The following SMIM8 variants were observed in gnomAD, a reference collection of about 807,000 sequenced individuals.
SMIM8 encodes the protein UPF0708 protein C6orf162.
SMIM8 carries 8 observed loss-of-function variants against 8.1 expected under a neutral mutation model. The observed-to-expected ratio is 0.99, with a 90% confidence interval of 0.58 to 1.78. The LOEUF (loss-of-function observed/expected upper bound fraction) is 1.78, where lower values mean the gene tolerates loss of function less well. SMIM8 is among the 40% of genes most tolerant of loss of function. The pLI, the probability that SMIM8 is intolerant of heterozygous loss-of-function variation, is 0.00. For synonymous variants in SMIM8, 45 were observed against 39.7 expected (o/e 1.13, Z -0.50); for missense variants, 126 against 119.8 (o/e 1.05, Z -0.24).
In SMIM8 at chr6:87,324,299, T is replaced by G. The variant is rs141830673; in HGVS notation, c.-45+1667T>G. Among the ~76,000 whole-genome samples, 666 of 152,370 alleles carry G rather than the reference T, an allele frequency of 4.4e-3. 4 individuals are homozygous for G. The highest frequency in any genetic ancestry group is 0.015 in the African/African-American group (643 of 41,578). On this transcript the variant is annotated intron_variant, in intron 1 of 3. Coordinates refer to ENST00000392863, the MANE Select transcript of SMIM8 (RefSeq NM_001042493.3). Reference sequence around the variant, plus strand: ...TTAGATCCTATTTGTCAATTTTGGCTTTGGTTGCTATTGCTTTTGGTGTTT... The same window carrying G: ...TTAGATCCTATTTGTCAATTTTGGCGTTGGTTGCTATTGCTTTTGGTGTTT...
chr6:87,336,463 A>T (rs1467782889), intron 2 of SMIM8, among the ~76,000 whole-genome samples: 1 of 152,224 alleles, frequency 6.6e-6, no homozygotes, highest in Admixed American at 6.5e-5. Context: ...AAGTACAAAC[A>T]GCTCCTTATC....
rs1173802819 is a variant in SMIM8, at chr6:87,322,621, AC to A, written c.-52del. 6.6e-6 allele frequency: 1 copy of A among 152,078 alleles called. No individual in the cohort carries two copies. Among genetic ancestry groups the A allele is most frequent in the Non-Finnish European group, 1.5e-5 (1 of 68,084 alleles). 9.4% of individuals were successfully genotyped at this position (152,078 alleles called of 1,614,324 possible). ...GCGTCTCGGGCGAGGAGAGGAGGTG[AC>A]CCCGCGAAAGGTAAGCGGCGGCTTC... On this transcript the variant is annotated 5_prime_UTR_variant, in exon 1 of 4. Transcript: ENST00000392863.
In SMIM8 at chr6:87,340,104, T is replaced by C; in HGVS notation, c.136-12T>C. On this transcript the variant is annotated splice_polypyrimidine_tract_variant and intron_variant, in intron 3 of 3. Transcript: ENST00000392863. ...TCTTACTAAAGCTTTATAATTTTTT[T>C]TTCTTTGACAGAACAAACCTGTAAT... The C allele has an allele frequency of 1.3e-6, 2 of 1,533,794 alleles. No homozygotes were observed. Among genetic ancestry groups the C allele is most frequent in the Non-Finnish European group, 1.7e-6 (2 of 1,147,418 alleles).
At chr6:87,336,545 C>T (rs184727658) in intron 2 of SMIM8, among the ~76,000 whole-genome samples, 8 of 152,130 alleles carry the variant, frequency 5.3e-5, no homozygotes, top group African/African-American at 1.9e-4. Flanking sequence ...GGGAAACTGG[C>T]CAGGAGTGAA....
rs2127927064 is a variant in SMIM8, at chr6:87,341,449, T to A, written c.*1175T>A. 5.1e-6 allele frequency: 2 copies of A among 395,070 alleles called. No individual in the cohort carries two copies. The highest frequency in any genetic ancestry group is 7.2e-5 in the East Asian group (2 of 27,828). The allele number at this position is 395,070 out of a possible 1,614,324, so 24.5% of individuals were successfully genotyped here. On this transcript the variant is annotated 3_prime_UTR_variant, in exon 4 of 4. Transcript: ENST00000392863. Reference sequence around the variant, plus strand: ...TCTGGCCAGATTCTGCCTTATAGAATTCAAATCTTTCTTACAAGGGTTCTG... The same window carrying A: ...TCTGGCCAGATTCTGCCTTATAGAAATCAAATCTTTCTTACAAGGGTTCTG...
intron 2 of SMIM8, among the ~76,000 whole-genome samples, chr6:87,331,597 ATTTTGT>A (rs1029784339): frequency 2.0e-5 from 3 of 152,268 alleles, no homozygotes; most frequent in African/African-American, 7.2e-5. Flanking sequence ...TGTAGAAAAG[ATTTTGT>A]TTTTGTTTTT....
rs1242900533 is a variant in SMIM8, at chr6:87,337,113, G to A, written c.82G>A (p.Val28Met). 2.8e-5 allele frequency: 45 copies of A among 1,613,088 alleles called. No homozygotes were observed. The East Asian group carries it at 9.6e-4, about 34-fold the overall frequency. Residue 28 changes from valine (V) to methionine (M), a missense_variant, in exon 3 of 4, where the codon GTG (valine) becomes ATG (methionine). Coordinates refer to ENST00000392863, the MANE Select transcript of SMIM8 (RefSeq NM_001042493.3). ...GTTTCAAAGCCCAGGGCTCAGAGGG[G>A]TGCGCACAACAACCTTATTTCGTGC... ...KEFQSPGLRG[V>M]RTTTLFRAVN...
chr6:87,328,267 C>G (rs1334905682), intron 1 of SMIM8, among the ~76,000 whole-genome samples: 2 of 151,576 alleles, frequency 1.3e-5, no homozygotes, highest in Admixed American at 6.6e-5. Flanking sequence ...AAGTCATTCT[C>G]CGTCCAACTT....
Position 87,340,374 on chromosome 6 carries a change from T to C in SMIM8, c.*100T>C, listed in dbSNP as rs899274999. 3 of 1,215,672 alleles carry C rather than the reference T, an allele frequency of 2.5e-6. No homozygotes were observed. The highest frequency in any genetic ancestry group is 3.1e-5 in the African/African-American group (2 of 63,566). 75.3% of individuals were successfully genotyped at this position (1,215,672 alleles called of 1,614,324 possible). A position where few individuals can be genotyped will look rare whatever the true frequency, so the allele number is the denominator to read the frequency against. ...GTATCATGTTTCTTGTTCTAGAACATGCTAATGAAGAGAGAAGATAGCAGT... is the reference window on the plus strand; with the variant it reads ...GTATCATGTTTCTTGTTCTAGAACACGCTAATGAAGAGAGAAGATAGCAGT... On this transcript the variant is annotated 3_prime_UTR_variant, in exon 4 of 4. Coordinates refer to ENST00000392863, the MANE Select transcript of SMIM8 (RefSeq NM_001042493.3).
Position 87,340,445 on chromosome 6 carries a change from C to A in SMIM8, c.*171C>A. The A allele has an allele frequency of 2.1e-6, 1 of 470,630 alleles. No individual in the cohort carries two copies. Among genetic ancestry groups the A allele is most frequent in the Non-Finnish European group, 3.4e-6 (1 of 295,338 alleles). The allele number at this position is 470,630 out of a possible 1,614,324, so 29.2% of individuals were successfully genotyped here. ...AAATTTTGTCCTTTCACAGCTGCAG[C>A]CATTATCTCATTCTTTTTCCACAGA... On this transcript the variant is annotated 3_prime_UTR_variant, in exon 4 of 4. Transcript: ENST00000392863.
chr6:87,331,337 T>C (rs960905482), intron 2 of SMIM8, among the ~76,000 whole-genome samples: 10 of 152,256 alleles, frequency 6.6e-5, no homozygotes, highest in African/African-American at 2.4e-5. Flanking sequence ...CTGCAGCTTT[T>C]AAAATTGAAA....
chr6:87,333,583 G>A (rs1417392862), intron 2 of SMIM8, among the ~76,000 whole-genome samples: 1 of 152,204 alleles, frequency 6.6e-6, no homozygotes, highest in Non-Finnish European at 1.5e-5. Context: ...AAAAATGGTA[G>A]TAGTGGAAGC....
At chr6:87,326,587 T>A (rs1488395319) in intron 1 of SMIM8, among the ~76,000 whole-genome samples, 1 of 149,388 alleles carries the variant, frequency 6.7e-6, no homozygotes, top group African/African-American at 2.5e-5. Flanking sequence ...TTGAGTGAGA[T>A]TCTTAATCCT....
chr6:87,332,325 ATG>A (rs10532850), intron 2 of SMIM8, among the ~76,000 whole-genome samples: 53,938 of 116,240 alleles, frequency 0.46, 10,641 homozygotes, highest in Non-Finnish European at 0.5. Flanking sequence ...CCCCCCATAT[ATG>A]TATATATATA....
In SMIM8 at chr6:87,341,145, T is replaced by C. The variant is rs890899418; in HGVS notation, c.*871T>C. 2 of 396,258 alleles carry C rather than the reference T, an allele frequency of 5.0e-6. No individual in the cohort carries two copies. The highest frequency in any genetic ancestry group is 4.1e-5 in the African/African-American group (2 of 48,570). The allele number at this position is 396,258 out of a possible 1,614,324, so 24.5% of individuals were successfully genotyped here. A position where few individuals can be genotyped will look rare whatever the true frequency, so the allele number is the denominator to read the frequency against. On this transcript the variant is annotated 3_prime_UTR_variant, in exon 4 of 4. Coordinates refer to ENST00000392863, the MANE Select transcript of SMIM8 (RefSeq NM_001042493.3). ...CTACAACTACTCAATGGATAAGGAATAGATAAGGTCTCCTTATTGTACCTT... is the reference window on the plus strand; with the variant it reads ...CTACAACTACTCAATGGATAAGGAACAGATAAGGTCTCCTTATTGTACCTT...
intron 1 of SMIM8, among the ~76,000 whole-genome samples, chr6:87,328,482 A>C (rs181234244): frequency 0.4 from 59,513 of 150,310 alleles, 12,817 homozygotes; most frequent in Non-Finnish European, 0.48. Flanking sequence ...ACAGGACCGT[A>C]AGCTTCAGGT....
chr6:87,332,638 A>G (rs925674300), intron 2 of SMIM8, among the ~76,000 whole-genome samples: 2 of 46,096 alleles, frequency 4.3e-5, no homozygotes, highest in Admixed American at 1.5e-4. Flanking sequence ...ATTATCATCC[A>G]CACAAAGTAT....
Position 87,342,176 on chromosome 6 carries a change from A to G in SMIM8, c.*1902A>G, listed in dbSNP as rs958585192. Reference sequence around the variant, plus strand: ...GAATTTTAGGAACAAGTACCTGACTATGATACTTTTTACAGAGTGACTACA... The same window carrying G: ...GAATTTTAGGAACAAGTACCTGACTGTGATACTTTTTACAGAGTGACTACA... On this transcript the variant is annotated 3_prime_UTR_variant, in exon 4 of 4. Coordinates refer to ENST00000392863, the MANE Select transcript of SMIM8 (RefSeq NM_001042493.3). The G allele has an allele frequency of 1.3e-5, 2 of 152,248 alleles. No homozygotes were observed. Among genetic ancestry groups the G allele is most frequent in the Admixed American group, 6.5e-5 (1 of 15,282 alleles). The allele number at this position is 152,248 out of a possible 1,614,324, so 9.4% of individuals were successfully genotyped here.
intron 2 of SMIM8, among the ~76,000 whole-genome samples, chr6:87,335,133 A>G (rs1315899050): frequency 6.6e-6 from 1 of 152,240 alleles, no homozygotes; most frequent in Non-Finnish European, 1.5e-5. Flanking sequence ...TTGGTGATCT[A>G]TAAAGTTATC....
Sources: allele counts gnomAD v4.1 joint callset (sites outside exome capture counted in the v4.1 genomes callset), GRCh38; gene constraint gnomAD v4.1.1; transcripts MANE v1.5; gene names NCBI Gene and HGNC (gene_info 2026-07-23, HGNC 2026-07-21).